The following BIVM variants were observed in gnomAD, a reference collection of about 807,000 sequenced individuals.
BIVM encodes the protein basic, immunoglobulin-like variable motif containing, also known as basic immunoglobulin-like variable motif-containing protein.
BIVM carries 31 observed loss-of-function variants against 61.4 expected under a neutral mutation model. The ratio of observed to expected loss-of-function variants is 0.51; its 90% confidence interval spans 0.38 to 0.68. The LOEUF (loss-of-function observed/expected upper bound fraction) is 0.68. BIVM is among the 30% of genes least tolerant of loss of function. BIVM has a pLI of 0.00. For synonymous variants in BIVM, 189 were observed against 210.7 expected (o/e 0.90, Z 0.89); for missense variants, 526 against 596.0 (o/e 0.88, Z 1.22).
rs1366593304 is a variant in BIVM at position 102,807,450 on chromosome 13, T to C, written c.183T>C (p.His61=). Residue 61 remains histidine (H), a synonymous_variant, in exon 3 of 11, where the codon CAT becomes CAC. Transcript: ENST00000257336. This position sits in a 1 kb window ranked among gnomAD's most constrained non-coding sequence, Gnocchi z 4.0. ...GHYPWSCPVT[H]TREKIYAICS... ...ATCCATGGAGTTGTCCAGTGACTCA[T>C]ACACGGGAAAAAATTTATGCCATCT... 6.2e-7 allele frequency: 1 copy of C among 1,614,198 alleles called. No individual in the cohort carries two copies. Among genetic ancestry groups the C allele is most frequent in the South Asian group, 1.1e-5 (1 of 91,090 alleles).
intron 1 of BIVM, among the ~76,000 whole-genome samples, chr13:102,802,172 G>A (rs1465355146): frequency 6.6e-6 from 1 of 152,176 alleles, no homozygotes; most frequent in Non-Finnish European, 1.5e-5. Context: ...AGAAACAAAA[G>A]GAGATAAAAG....
chr13:102,834,517 A>AT lies in BIVM; in HGVS notation c.1087dup (p.Ser363PhefsTer3). 1 of 1,592,182 alleles carries AT rather than the reference A, an allele frequency of 6.3e-7. No individual in the cohort carries two copies. The highest frequency in any genetic ancestry group is 8.5e-7 in the Non-Finnish European group (1 of 1,173,740). ...TTGAATATTGGATCTTAATTGGAGAATCAAGTAGAAAACATCCTGCCATTC... is the reference window on the plus strand; with the variant it reads ...TTGAATATTGGATCTTAATTGGAGAATTCAAGTAGAAAACATCCTGCCATTC... On this transcript the variant is annotated frameshift_variant, in exon 9 of 11. Transcript: ENST00000257336. LOFTEE classifies it high-confidence loss of function.
chr13:102,813,896 CT>C (rs975442636), intron 3 of BIVM, among the ~76,000 whole-genome samples: 8 of 152,282 alleles, frequency 5.3e-5, no homozygotes, highest in African/African-American at 1.9e-4. Flanking sequence ...TTTGGGCCCC[CT>C]CTTCTCTGTG....
At position 102,800,383 on chromosome 13, in the gene BIVM, G is replaced by C. The variant is rs1421493947; in HGVS notation, c.-207+862G>C. 6 of 152,432 alleles carry C rather than the reference G, an allele frequency of 3.9e-5. No homozygotes were observed. The East Asian group carries it at 1.2e-3, about 30-fold the overall frequency. The allele number at this position is 152,432 out of a possible 1,614,324, so 9.4% of individuals were successfully genotyped here. A position where few individuals can be genotyped will look rare whatever the true frequency, so the allele number is the denominator to read the frequency against. On this transcript the variant is annotated intron_variant, in intron 1 of 10. Coordinates refer to ENST00000257336, the MANE Select transcript of BIVM (RefSeq NM_017693.4). ...GTGAGGGAAGGTAGAGGAGGGAGTA[G>C]GGGCGAGGAGGCCTCGGCGGCCCTT...
intron 7 of BIVM, among the ~76,000 whole-genome samples, 197 bp downstream of exon 7, chr13:102,822,356 C>G (rs1410928892): frequency 2.0e-5 from 3 of 152,214 alleles, no homozygotes; most frequent in African/African-American, 7.2e-5. Context: ...TTTACCTCTT[C>G]TAACCTTTTT....
Position 102,838,734 on chromosome 13 carries a change from A to G in BIVM, c.1213A>G (p.Lys405Glu). The change falls in exon 10 of 11, where the codon AAG becomes GAG. Residue 405 changes from lysine to glutamate, a missense_variant. Transcript: ENST00000257336. ...LERGLQYRKTKKVGGNLHCII... is the reference protein window; with the variant it reads ...LERGLQYRKTEKVGGNLHCII... Reference sequence around the variant, plus strand: ...GAGGGGACTGCAGTATAGAAAAACAAAGAAGGTAAGAAGAACACCATTGTG... The same window carrying G: ...GAGGGGACTGCAGTATAGAAAAACAGAGAAGGTAAGAAGAACACCATTGTG... 3 of 1,611,178 alleles carry G rather than the reference A, an allele frequency of 1.9e-6. No individual in the cohort carries two copies. Among genetic ancestry groups the G allele is most frequent in the Non-Finnish European group, 2.5e-6 (3 of 1,178,940 alleles).
Position 102,807,276 on chromosome 13 carries a change from C to G in BIVM, c.9C>G (p.Asn3Lys). Residue 3 changes from asparagine to lysine, a missense_variant, in exon 3 of 11, where the codon AAC (asparagine) becomes AAG (lysine). Around this residue, in one of 3 missense-constraint regions of BIVM, gnomAD observed 312 missense variants for 343.8 expected, o/e 0.91. Transcript: ENST00000257336. This position sits in a 1 kb window ranked among gnomAD's most constrained non-coding sequence, Gnocchi z 4.0. MP[N>K]VAETERSNDS... ...CTTTTACACTGCATTCAATGCCTAA[C>G]GTTGCAGAAACAGAAAGGTCAAATG... The G allele has an allele frequency of 1.2e-6, 2 of 1,604,852 alleles. No homozygotes were observed. The highest frequency in any genetic ancestry group is 1.1e-5 in the South Asian group (1 of 90,312).
intron 3 of BIVM, among the ~76,000 whole-genome samples, chr13:102,810,994 G>A (rs965693761): frequency 2.0e-5 from 3 of 152,290 alleles, no homozygotes; most frequent in African/African-American, 4.8e-5. Context: ...GCCTTCCAAA[G>A]TGCTGGGAAT....
chr13:102,809,643 T>A (rs1879340565), intron 3 of BIVM, among the ~76,000 whole-genome samples: 1 of 152,236 alleles, frequency 6.6e-6, no homozygotes, highest in African/African-American at 2.4e-5. Context: ...ATTTCTTTTT[T>A]AAAAACTAAT....
At position 102,803,725 on chromosome 13, in the gene BIVM, C is replaced by T. The variant is rs1595327377; in HGVS notation, c.-206-1582C>T. Reference sequence around the variant, plus strand: ...GACTATATGCTCTTTCATTCCTCACCTCGCACAGCCCACCCCCACGACCCC... The same window carrying T: ...GACTATATGCTCTTTCATTCCTCACTTCGCACAGCCCACCCCCACGACCCC... On this transcript the variant is annotated intron_variant, in intron 1 of 10. Coordinates refer to ENST00000257336, the MANE Select transcript of BIVM (RefSeq NM_017693.4). 3.3e-5 allele frequency among the ~76,000 whole-genome samples: 5 copies of T among 151,944 alleles called. No individual in the cohort carries two copies. The South Asian group carries it at 1.0e-3, about 32-fold the overall frequency.
At position 102,821,826 on chromosome 13, in the gene BIVM, C is replaced by T. The variant is rs755285985; in HGVS notation, c.785C>T (p.Thr262Met). ...GAAGATATTAGGTTTGGTCCTTTCACGGGGAATACAACACTTATGAGGTAT... is the reference window on the plus strand; with the variant it reads ...GAAGATATTAGGTTTGGTCCTTTCATGGGGAATACAACACTTATGAGGTAT... ...PFEDIRFGPF[T>M]GNTTLMRWFR... is the part of the protein sequence containing the mutation. Residue 262 changes from threonine to methionine, a missense_variant, in exon 6 of 11, where the codon ACG becomes ATG. Physicochemically the swap from Thr to Met is moderately conservative, Grantham distance 81. Around this residue, in one of 3 missense-constraint regions of BIVM, gnomAD observed 312 missense variants for 343.8 expected, o/e 0.91. Coordinates refer to ENST00000257336, the MANE Select transcript of BIVM (RefSeq NM_017693.4). The T allele has an allele frequency of 8.1e-6, 13 of 1,613,842 alleles. No individual in the cohort carries two copies. The highest frequency in any genetic ancestry group is 1.7e-4 in the Middle Eastern group (1 of 6,060).
intron 1 of BIVM, chr13:102,800,397 T>G (rs1878671303): frequency 6.6e-6 from 1 of 152,270 alleles, no homozygotes; most frequent in African/African-American, 2.4e-5. Flanking sequence ...CGAGGAGGCC[T>G]CGGCGGCCCT....
intron 8 of BIVM, among the ~76,000 whole-genome samples, chr13:102,834,022 C>T (rs963666800): frequency 2.6e-5 from 4 of 152,150 alleles, no homozygotes; most frequent in African/African-American, 9.7e-5. Context: ...ATATAAATCC[C>T]CAGGCTCTAC....
intron 3 of BIVM, among the ~76,000 whole-genome samples, chr13:102,810,138 A>C (rs1008658465): frequency 1.8e-4 from 27 of 151,942 alleles, no homozygotes; most frequent in Admixed American, 1.8e-3. Flanking sequence ...CCTTCTCCTC[A>C]CAGTCCCTGG....
chr13:102,831,451 C>T (rs1324766148), intron 7 of BIVM, 114 bp from the exon 8 acceptor site: 10 of 1,452,510 alleles, frequency 6.9e-6, no homozygotes, highest in Non-Finnish European at 9.2e-6. Flanking sequence ...CCAGCAGTGT[C>T]AGTGTATTCC....
intron 8 of BIVM, among the ~76,000 whole-genome samples, chr13:102,832,303 A>G (rs1408046): frequency 0.9 from 136,497 of 152,122 alleles, 63,002 homozygotes; most frequent in Non-Finnish European, 1. Context: ...CAATCCTTCT[A>G]CCTCAGCCTC....
chr13:102,823,320 AG>A (rs1333117688), intron 7 of BIVM, among the ~76,000 whole-genome samples: 5 of 152,216 alleles, frequency 3.3e-5, no homozygotes, highest in Admixed American at 2.6e-4. Context: ...ACTTGGAGGC[AG>A]GCTTGGAGAT....
chr13:102,800,533 G>A (rs558875504), intron 1 of BIVM: 1 of 151,218 alleles, frequency 6.6e-6, no homozygotes, highest in Non-Finnish European at 1.5e-5. Flanking sequence ...GCGCGCACTG[G>A]TTCTGCGCGG....
In BIVM at chr13:102,838,540, A is replaced by G. The variant is rs1767877743; in HGVS notation, c.1122-103A>G. The G allele has an allele frequency of 4.6e-6, 4 of 865,660 alleles. No homozygotes were observed. The East Asian group carries it at 8.2e-5, about 18-fold the overall frequency. 53.6% of individuals were successfully genotyped at this position (865,660 alleles called of 1,614,324 possible). ...TGAGATAAGAGAATTACTGCCAATTATTGCTGTGATAATATTGCAGCAACT... is the reference window on the plus strand; with the variant it reads ...TGAGATAAGAGAATTACTGCCAATTGTTGCTGTGATAATATTGCAGCAACT... On this transcript the variant is annotated intron_variant, in intron 9 of 10. Coordinates refer to ENST00000257336, the MANE Select transcript of BIVM (RefSeq NM_017693.4).
Sources: allele counts gnomAD v4.1 joint callset (sites outside exome capture counted in the v4.1 genomes callset), GRCh38; gene constraint gnomAD v4.1.1; regional missense constraint gnomAD v4.1.1; non-coding constraint Gnocchi (gnomAD v3.1); transcripts MANE v1.5; gene names NCBI Gene and HGNC (gene_info 2026-07-23, HGNC 2026-07-21).